Variants in ARHGAP25 observed in about 807,000 individuals in gnomAD.
The protein encoded by ARHGAP25 is rho GTPase-activating protein 25.
In ARHGAP25, 34 loss-of-function variants were observed where a neutral mutation model predicts 71.0. The observed-to-expected ratio is 0.48, with a 90% CI of 0.36 to 0.64. The LOEUF is 0.64. Ranked by LOEUF, ARHGAP25 falls within the 30% of genes least tolerant of loss-of-function variation. The pLI is 0.00. For missense variants in ARHGAP25, 706 were observed against 805.1 expected (o/e 0.88, Z 1.49); for synonymous variants, 282 against 296.5 (o/e 0.95, Z 0.50).
chr2:68,782,412 G>A, intron 3 of ARHGAP25, 92 bp downstream of exon 3: 1 of 1,167,026 alleles, frequency 8.6e-7, no homozygotes, highest in Non-Finnish European at 1.3e-6. Flanking sequence ...TATTCGGAGA[G>A]TAATTCAACT....
Position 68,767,220 on chromosome 2 carries a change from G to GT in ARHGAP25, c.62-7999dup, listed in dbSNP as rs1470573638. Among the ~76,000 whole-genome samples, 15 of 152,168 alleles carry GT rather than the reference G, an allele frequency of 9.9e-5. No individual in the cohort carries two copies. Among genetic ancestry groups the GT allele is most frequent in the Admixed American group, 7.9e-4 (12 of 15,272 alleles). ...AAGGGGCAGTGCTTTTCATACTAAA[G>GT]TTAAAAACGAAACTCAAAAGAATGA... On this transcript the variant is annotated intron_variant, in intron 1 of 10. Transcript: ENST00000409202. This position sits in a 1 kb window ranked among gnomAD's most constrained non-coding sequence, Gnocchi z 4.6.
intron 5 of ARHGAP25, among the ~76,000 whole-genome samples, chr2:68,809,069 A>G (rs17035975): frequency 0.19 from 29,657 of 152,090 alleles, 3,118 homozygotes; most frequent in East Asian, 0.39. Flanking sequence ...TGAGAGGACA[A>G]GTCTGATTTG....
rs1676552460 is a variant in ARHGAP25, at chr2:68,757,460, T to C, written c.62-17761T>C. ...AATTTTCAATAAGATTATGGGCAAA[T>C]TTATCGTCAGAAACTTTGAAGGCCA... On this transcript the variant is annotated intron_variant, in intron 1 of 10. Coordinates refer to ENST00000409202, the MANE Select transcript of ARHGAP25 (RefSeq NM_001007231.3). Among the ~76,000 whole-genome samples the C allele has an allele frequency of 2.6e-5, 4 of 152,194 alleles. No homozygotes were observed. In the South Asian group the frequency reaches 8.3e-4, roughly 32 times the overall value.
intron 5 of ARHGAP25, among the ~76,000 whole-genome samples, chr2:68,810,708 T>A (rs1395461113): frequency 6.8e-6 from 1 of 147,676 alleles, no homozygotes; most frequent in Non-Finnish European, 1.5e-5. Flanking sequence ...GTTCAAAAGA[T>A]CCAATTTCTT....
intron 2 of ARHGAP25, among the ~76,000 whole-genome samples, chr2:68,776,802 C>G (rs954991756): frequency 6.6e-6 from 1 of 152,110 alleles, no homozygotes; most frequent in South Asian, 2.1e-4. Context: ...GACTCTAGAA[C>G]CTTCTGGAGC....
chr2:68,714,407 G>A (rs1362194708), intron 2 of ARHGAP25, among the ~76,000 whole-genome samples: 1 of 152,028 alleles, frequency 6.6e-6, no homozygotes, highest in East Asian at 1.9e-4. Context: ...AGTGGTCTAT[G>A]TATTTTGTTA....
At position 68,767,739 on chromosome 2, in the gene ARHGAP25, G is replaced by GC. The variant is rs1029008932; in HGVS notation, c.62-7480dup. Among the ~76,000 whole-genome samples the GC allele has an allele frequency of 4.6e-5, 7 of 152,222 alleles. No individual in the cohort carries two copies. The highest frequency in any genetic ancestry group is 1.7e-4 in the African/African-American group (7 of 41,454). ...GTTTTCTTGTTGGGGTATCAGCACA[G>GC]CCTCAGTGGTGGGCTTGAGGTTTCA... is the stretch of plus-strand genomic sequence containing the variant. On this transcript the variant is annotated intron_variant, in intron 1 of 10. Coordinates refer to ENST00000409202, the MANE Select transcript of ARHGAP25 (RefSeq NM_001007231.3). The surrounding 1 kb of genome is among the most constrained non-coding windows in gnomAD (Gnocchi z 4.6).
At chr2:68,819,830 C>T (rs1681509783) in intron 9 of ARHGAP25, 1 of 246,318 alleles carries the variant, frequency 4.1e-6, no homozygotes, top group Non-Finnish European at 7.7e-6. Flanking sequence ...GGTTGAAACT[C>T]ACGTTCCCAA....
chr2:68,716,879 T>G (rs1006063898), intron 2 of ARHGAP25, among the ~76,000 whole-genome samples: 1 of 152,200 alleles, frequency 6.6e-6, no homozygotes, highest in Non-Finnish European at 1.5e-5. Context: ...TTCATGTAGA[T>G]TCTATCTCTC....
rs375550085 is a variant in ARHGAP25 at position 68,826,110 on chromosome 2, G to A, written c.1857G>A (p.Glu619=). 6.2e-7 allele frequency: 1 copy of A among 1,614,138 alleles called. No homozygotes were observed. Among genetic ancestry groups the A allele is most frequent in the Non-Finnish European group, 8.5e-7 (1 of 1,180,026 alleles). The change falls in exon 11 of 11, where the codon GAG becomes GAA. Residue 619 remains glutamate, a synonymous_variant. Transcript: ENST00000409202. ...TCCGCAACATGGAGCGCTCCCGGGA[G>A]GATGTTGAGAAGAGGAACAAGGCCT... ...ISLRNMERSR[E]DVEKRNKALE...
At chr2:68,823,082 G>T (rs1681832129) in intron 10 of ARHGAP25, among the ~76,000 whole-genome samples, 1 of 152,232 alleles carries the variant, frequency 6.6e-6, no homozygotes, top group African/African-American at 2.4e-5. Flanking sequence ...TTTAGGAAAT[G>T]TAAATATCTA....
chr2:68,750,025 G>T (rs193060875), intron 1 of ARHGAP25, among the ~76,000 whole-genome samples: 6 of 152,176 alleles, frequency 3.9e-5, no homozygotes, highest in African/African-American at 1.4e-4. Flanking sequence ...ATTTTTTAAA[G>T]AGACAGGGTC....
chr2:68,718,993 T>A (rs932015875), intron 2 of ARHGAP25, among the ~76,000 whole-genome samples: 5 of 151,898 alleles, frequency 3.3e-5, no homozygotes, highest in Non-Finnish European at 5.9e-5. Context: ...GAAAAAAAAA[T>A]TTCCCTCAAG....
chr2:68,747,517 G>C (rs151259665), intron 1 of ARHGAP25, among the ~76,000 whole-genome samples: 2 of 152,100 alleles, frequency 1.3e-5, no homozygotes, highest in Non-Finnish European at 2.9e-5. Flanking sequence ...GTCCTCTTCC[G>C]TTTATCCAAC....
At chr2:68,781,843 C>G (rs1277866182) in intron 2 of ARHGAP25, among the ~76,000 whole-genome samples, 1 of 152,168 alleles carries the variant, frequency 6.6e-6, no homozygotes, top group Non-Finnish European at 1.5e-5. Flanking sequence ...TTCAGTCCTC[C>G]CTGAACCCCT....
chr2:68,761,332 T>A (rs1676804098), intron 1 of ARHGAP25, among the ~76,000 whole-genome samples: 1 of 152,064 alleles, frequency 6.6e-6, no homozygotes, highest in African/African-American at 2.4e-5. Flanking sequence ...AATTTGGCAA[T>A]GATTTCTTGG....
At chr2:68,735,326 G>GCATATTTAA (rs1675156777) in intron 1 of ARHGAP25, 66 bp downstream of exon 1, 1 of 1,486,154 alleles carries the variant, frequency 6.7e-7, no homozygotes, top group Admixed American at 1.7e-5. Flanking sequence ...TTTGCATGTT[G>GCATATTTAA]GTCTGCAGGG....
At chr2:68,728,041 A>C (rs12472382) in intron 2 of ARHGAP25, among the ~76,000 whole-genome samples, 1 of 151,696 alleles carries the variant, frequency 6.6e-6, no homozygotes, top group Non-Finnish European at 1.5e-5. Context: ...AATGTACATC[A>C]GAAAGATTAA....
intron 2 of ARHGAP25, among the ~76,000 whole-genome samples, chr2:68,719,309 C>T (rs1160873205): frequency 1.3e-5 from 2 of 151,498 alleles, no homozygotes; most frequent in Non-Finnish European, 2.9e-5. Flanking sequence ...GAAGTGGGGG[C>T]AGTTTTGAAA....
Sources: gnomAD v4.1 joint callset for allele counts (sites outside exome capture counted in the v4.1 genomes callset) on GRCh38, gnomAD v4.1.1 for gene constraint, Gnocchi (gnomAD v3.1) non-coding constraint, MANE v1.5 for transcripts, NCBI Gene and HGNC (gene_info 2026-07-23, HGNC 2026-07-21) for gene names.